SLC16A2: variants seen among roughly 807,000 people sequenced by gnomAD.
SLC16A2 encodes the protein monocarboxylate transporter 8.
A neutral mutation model predicts 27.2 loss-of-function variants in SLC16A2; 3 were observed. The ratio of observed to expected loss-of-function variants is 0.11; its 90% CI spans 0.05 to 0.28. The LOEUF (loss-of-function observed/expected upper bound fraction) is 0.28. Among genes scored for constraint, SLC16A2 ranks in the 10% least tolerant of loss-of-function variants. The pLI, the probability that SLC16A2 is intolerant of heterozygous loss-of-function variation, is 1.00. For synonymous variants in SLC16A2, 202 were observed against 187.8 expected, an observed-to-expected ratio of 1.08 and a Z score of -0.62; for missense variants, 295 against 458.5, an observed-to-expected ratio of 0.64 and a Z score of 3.26.
At chrX:74,518,915 A>G (rs1034454567) in intron 1 of SLC16A2, among the ~76,000 whole-genome samples, 3 of 111,803 alleles carry the variant, frequency 2.7e-5, no homozygotes, top group Non-Finnish European at 3.8e-5. Context: ...TCATTTTCAT[A>G]ACTATTTTTG....
intron 1 of SLC16A2, among the ~76,000 whole-genome samples, chrX:74,489,257 G>A (rs1929779537): frequency 9.0e-6 from 1 of 111,385 alleles, no homozygotes; most frequent in African/African-American, 3.3e-5. Context: ...AAATATAAGG[G>A]TATTTTTTAC....
At chrX:74,502,009 G>A (rs1483964251) in intron 1 of SLC16A2, among the ~76,000 whole-genome samples, 1 of 111,325 alleles carries the variant, frequency 9.0e-6, no homozygotes, top group Non-Finnish European at 1.9e-5. Context: ...AAACCTTGTA[G>A]TCCTTCTCAG....
intron 1 of SLC16A2, among the ~76,000 whole-genome samples, chrX:74,444,726 G>A (rs1202519535): frequency 1.8e-5 from 2 of 112,120 alleles, no homozygotes; most frequent in Non-Finnish European, 3.8e-5. Flanking sequence ...AATACTTGGC[G>A]AGCCCTAAAG....
intron 1 of SLC16A2, among the ~76,000 whole-genome samples, chrX:74,448,738 C>T (rs1050110977): frequency 2.7e-5 from 3 of 111,431 alleles, no homozygotes; most frequent in Non-Finnish European, 5.6e-5. Flanking sequence ...GTTCTTGTGC[C>T]GAGGGAGCTG....
intron 1 of SLC16A2, among the ~76,000 whole-genome samples, chrX:74,487,124 C>T (rs1203007863): frequency 9.0e-6 from 1 of 110,761 alleles, no homozygotes; most frequent in African/African-American, 3.3e-5. Flanking sequence ...ATCATTTTAC[C>T]TTTTTTGGTG....
intron 1 of SLC16A2, among the ~76,000 whole-genome samples, chrX:74,501,941 C>A (rs1930045076): frequency 9.0e-6 from 1 of 111,206 alleles, no homozygotes. Flanking sequence ...TGCACATGTA[C>A]CCTAGTACTT....
intron 1 of SLC16A2, among the ~76,000 whole-genome samples, chrX:74,499,782 AT>A (rs763075854): frequency 9.0e-6 from 1 of 111,221 alleles, no homozygotes; most frequent in African/African-American, 3.3e-5. Flanking sequence ...TGAATAAAAT[AT>A]TTTTTTTACT....
At chrX:74,466,580 A>G (rs962916985) in intron 1 of SLC16A2, among the ~76,000 whole-genome samples, 38 of 112,365 alleles carry the variant, frequency 3.4e-4, no homozygotes, top group African/African-American at 1.0e-3. Context: ...AGTAATGACA[A>G]AAAAAGTCTG....
rs1928293328 is a variant in SLC16A2 at position 74,421,573 on chromosome X, G to A, written c.-65G>A. 1.7e-6 allele frequency: 2 copies of A among 1,162,679 alleles called. No homozygotes were observed. Among genetic ancestry groups the A allele is most frequent in the Non-Finnish European group, 1.2e-6 (1 of 860,921 alleles). On this transcript the variant is annotated 5_prime_UTR_variant, in exon 1 of 6. Transcript: ENST00000587091. ...CCTCCGAGCAGCAGCAGCTGCAGCA[G>A]CAGAAACAAGTACCAGCCACAAAGC...
intron 1 of SLC16A2, among the ~76,000 whole-genome samples, chrX:74,505,232 G>A (rs905050427): frequency 9.0e-6 from 1 of 111,707 alleles, no homozygotes; most frequent in Non-Finnish European, 1.9e-5. Flanking sequence ...GAGAGGCTAA[G>A]GTGAGGCTTA....
At chrX:74,452,412 C>T (rs1332442359) in intron 1 of SLC16A2, among the ~76,000 whole-genome samples, 2 of 111,435 alleles carry the variant, frequency 1.8e-5, no homozygotes, top group Non-Finnish European at 3.8e-5. Context: ...ATGTGGGGAC[C>T]TCAAAGGTTA....
At chrX:74,525,669 G>A in intron 3 of SLC16A2, 81 bp from the exon 4 acceptor site, 3 of 1,111,743 alleles carry the variant, frequency 2.7e-6, no homozygotes, top group Non-Finnish European at 3.7e-6. Context: ...AGCAGTAGGG[G>A]ATTCTGGATA....
chrX:74,427,337 T>C (rs1928418024), intron 1 of SLC16A2, among the ~76,000 whole-genome samples: 1 of 110,939 alleles, frequency 9.0e-6, no homozygotes, highest in African/African-American at 3.3e-5. Flanking sequence ...TGTGGTGGGG[T>C]TGGGGAGGGT....
At chrX:74,520,146 T>C (rs1351333152) in intron 1 of SLC16A2, among the ~76,000 whole-genome samples, 2 of 112,037 alleles carry the variant, frequency 1.8e-5, no homozygotes, top group Non-Finnish European at 3.8e-5. Flanking sequence ...TGTCACTCTT[T>C]GATGATGATG....
chrX:74,493,726 T>C (rs1348906453), intron 1 of SLC16A2, among the ~76,000 whole-genome samples: 1 of 111,950 alleles, frequency 8.9e-6, no homozygotes, highest in Admixed American at 9.5e-5. Flanking sequence ...CTGGTGCTAA[T>C]TGGCATCTTC....
At chrX:74,515,761 C>A (rs987670161) in intron 1 of SLC16A2, among the ~76,000 whole-genome samples, 5 of 111,689 alleles carry the variant, frequency 4.5e-5, no homozygotes, top group African/African-American at 1.6e-4. Context: ...CCATGGAGGG[C>A]AAAGTGCTGA....
At chrX:74,511,336 C>G (rs1026699311) in intron 1 of SLC16A2, among the ~76,000 whole-genome samples, 1 of 110,666 alleles carries the variant, frequency 9.0e-6, no homozygotes, top group Non-Finnish European at 1.9e-5. Flanking sequence ...CACCCGCCAC[C>G]GTGCCCGGCT....
At chrX:74,439,579 G>T (rs1374975165) in intron 1 of SLC16A2, among the ~76,000 whole-genome samples, 2 of 104,057 alleles carry the variant, frequency 1.9e-5, no homozygotes, top group African/African-American at 7.1e-5. Flanking sequence ...GGGATTACAG[G>T]TGTCACCCAC....
Position 74,451,083 on chromosome X carries a change from T to TA in SLC16A2, c.430+29023dup, listed in dbSNP as rs764309163. Among the ~76,000 whole-genome samples, 446 of 111,771 alleles carry TA rather than the reference T, an allele frequency of 4.0e-3. 2 individuals carry two copies. The highest frequency in any genetic ancestry group is 0.013 in the South Asian group (35 of 2,630). On this transcript the variant is annotated intron_variant, in intron 1 of 5. Transcript: ENST00000587091. ...AAACACATGAACTTTAAACACTTTT[T>TA]AAAAAAACTTAAAATGACATTTAAG...
Sources: gnomAD v4.1 joint callset for allele counts (sites outside exome capture counted in the v4.1 genomes callset) on GRCh38, gnomAD v4.1.1 for gene constraint, MANE v1.5 for transcripts, NCBI Gene and HGNC (gene_info 2026-07-23, HGNC 2026-07-21) for gene names.